The following NLE1 variants were observed in gnomAD, a reference collection of about 807,000 sequenced individuals.
The protein encoded by NLE1 is notchless homolog 1.
A neutral mutation model predicts 62.8 loss-of-function variants in NLE1; 37 were observed. That is an observed-to-expected ratio of 0.59 (90% confidence interval 0.45 to 0.78). The LOEUF (loss-of-function observed/expected upper bound fraction) is 0.78. Among genes scored for constraint, NLE1 ranks in the 30% least tolerant of loss-of-function variants. The pLI, the probability that NLE1 is intolerant of heterozygous loss-of-function variation, is 0.00. For synonymous variants in NLE1, 243 were observed against 253.0 expected (o/e 0.96, Z 0.37); for missense variants, 555 against 637.9 (o/e 0.87, Z 1.40).
chr17:35,141,957 G>A (rs1387995163), intron 2 of NLE1, 22 bp downstream of exon 2: 9 of 1,551,790 alleles, frequency 5.8e-6, no homozygotes, highest in African/African-American at 1.4e-5. Context: ...GAGATGCGAG[G>A]CCGCCCTGGC....
Position 35,129,986 on chromosome 17 carries a change from G to A in NLE1, c.*2451C>T. ...GAAGTCAAGGGCATTGAAAGAAATAGGGAAGACAAGAGGCTAAAGGGGGAC... is the reference window on the plus strand; with the variant it reads ...GAAGTCAAGGGCATTGAAAGAAATAAGGAAGACAAGAGGCTAAAGGGGGAC... On this transcript the variant is annotated 3_prime_UTR_variant, in exon 13 of 13. Coordinates refer to ENST00000442241, the MANE Select transcript of NLE1 (RefSeq NM_018096.5). 7.3e-7 allele frequency: 1 copy of A among 1,376,828 alleles called. No homozygotes were observed. The highest frequency in any genetic ancestry group is 1.7e-5 in the South Asian group (1 of 59,412). The allele number at this position is 1,376,828 out of a possible 1,614,324, so 85.3% of individuals were successfully genotyped here. A position where few individuals can be genotyped will look rare whatever the true frequency, so the allele number is the denominator to read the frequency against.
At position 35,135,498 on chromosome 17, in the gene NLE1, AAGG is replaced by A. The variant is rs748444481; in HGVS notation, c.1012-50_1012-48del. 2.7e-5 allele frequency: 43 copies of A among 1,582,358 alleles called. No individual in the cohort carries two copies. The East Asian group carries it at 5.6e-4, about 21-fold the overall frequency. On this transcript the variant is annotated intron_variant, in intron 9 of 12. Coordinates refer to ENST00000442241, the MANE Select transcript of NLE1 (RefSeq NM_018096.5). ...CTGTGTTGGGTGTGGTCTCAGAAAG[AAGG>A]AGGAGGGCCCGACTTTGGCAGCAAG... is the stretch of plus-strand genomic sequence containing the variant.
At chr17:35,136,953 G>C in intron 7 of NLE1, 48 bp downstream of exon 7, 1 of 1,512,366 alleles carries the variant, frequency 6.6e-7, no homozygotes, top group South Asian at 1.2e-5. Context: ...CCAGCATCTT[G>C]TGACTTGCGA....
Position 35,130,349 on chromosome 17 carries a change from G to A in NLE1, c.*2088C>T, listed in dbSNP as rs202047426. On this transcript the variant is annotated 3_prime_UTR_variant, in exon 13 of 13. Coordinates refer to ENST00000442241, the MANE Select transcript of NLE1 (RefSeq NM_018096.5). ...TACCCCATCCAGATCACCGTGCGGC[G>A]CAAGGAACCCCGGCAAAAGATCGTG... 32 of 1,614,108 alleles carry A rather than the reference G, an allele frequency of 2.0e-5. No individual in the cohort carries two copies. Among genetic ancestry groups the A allele is most frequent in the South Asian group, 1.3e-4 (12 of 91,078 alleles).
intron 4 of NLE1, 126 bp from the exon 5 acceptor site, chr17:35,138,016 C>A: frequency 1.5e-6 from 1 of 670,776 alleles, no homozygotes; most frequent in Non-Finnish European, 2.5e-6. Context: ...ACAAAAGGAG[C>A]GATGAGGCTT....
At chr17:35,140,165 T>C (rs1333717491) in intron 2 of NLE1, 99 bp from the exon 3 acceptor site, 17 of 1,394,756 alleles carry the variant, frequency 1.2e-5, no homozygotes, top group Non-Finnish European at 1.4e-5. Flanking sequence ...GTGAAGCTTC[T>C]TCTTTTCAGC....
At chr17:35,138,264 G>C (rs892872398) in intron 4 of NLE1, among the ~76,000 whole-genome samples, 2 of 152,184 alleles carry the variant, frequency 1.3e-5, no homozygotes, top group Non-Finnish European at 1.5e-5. Flanking sequence ...ACACACACAA[G>C]GTCACTTAAC....
rs2091865839 is a variant in NLE1 at position 35,129,844 on chromosome 17, TG to T, written c.*2592del. 1.1e-5 allele frequency: 16 copies of T among 1,428,000 alleles called. No homozygotes were observed. The highest frequency in any genetic ancestry group is 1.5e-5 in the Non-Finnish European group (16 of 1,095,810). The allele number at this position is 1,428,000 out of a possible 1,614,324, so 88.5% of individuals were successfully genotyped here. A position where few individuals can be genotyped will look rare whatever the true frequency, so the allele number is the denominator to read the frequency against. ...GGGAGGTTTAAGGATTAAGCCACTC[TG>T]GGGCCCACTAGGAATGCAAACGAAT... On this transcript the variant is annotated 3_prime_UTR_variant, in exon 13 of 13. Coordinates refer to ENST00000442241, the MANE Select transcript of NLE1 (RefSeq NM_018096.5).
Position 35,139,968 on chromosome 17 carries a change from G to T in NLE1, c.261C>A (p.Val87=). The T allele has an allele frequency of 6.2e-7, 1 of 1,614,174 alleles. No homozygotes were observed. Among genetic ancestry groups the T allele is most frequent in the Non-Finnish European group, 8.5e-7 (1 of 1,180,040 alleles). Residue 87 remains valine, a synonymous_variant, in exon 3 of 13, where the codon GTC becomes GTA. Transcript: ENST00000442241. The stretch of plus-strand genomic sequence containing the variant: ...CCTGTGGCTGGTAGATGATGTCTAG[G>T]ACCTTCTCTGTCTCCACTGCCTGGG... The part of the protein sequence containing the change: ...LESQAVETEK[V]LDIIYQPQAI...
Position 35,137,902 on chromosome 17 carries a change from G to A in NLE1, c.461-12C>T, listed in dbSNP as rs774159958. 6 of 1,606,168 alleles carry A rather than the reference G, an allele frequency of 3.7e-6. No homozygotes were observed. The Admixed American group carries it at 5.0e-5, about 13-fold the overall frequency. ...CCAGTGTCTGTGTCCTAAGAAAGCA[G>A]AGGAGGGAGAAATAAGGGACTACAT... On this transcript the variant is annotated splice_polypyrimidine_tract_variant and intron_variant, in intron 4 of 12. Coordinates refer to ENST00000442241, the MANE Select transcript of NLE1 (RefSeq NM_018096.5).
Position 35,130,652 on chromosome 17 carries a change from C to A in NLE1, c.*1785G>T, listed in dbSNP as rs1033000448. ...CAGGCCATGCCAGGCTCAGCCACTG[C>A]CCACAGCTGCTAGACTCCCTCCTCC... is the stretch of plus-strand genomic sequence containing the variant. On this transcript the variant is annotated 3_prime_UTR_variant, in exon 13 of 13. Coordinates refer to ENST00000442241, the MANE Select transcript of NLE1 (RefSeq NM_018096.5). The A allele has an allele frequency of 1.3e-5, 7 of 552,404 alleles. No individual in the cohort carries two copies. The highest frequency in any genetic ancestry group is 1.1e-4 in the African/African-American group (6 of 52,976). The allele number at this position is 552,404 out of a possible 1,614,324, so 34.2% of individuals were successfully genotyped here.
chr17:35,142,217 C>T (rs748444874), intron 1 of NLE1, 41 bp downstream of exon 1: 1 of 1,566,262 alleles, frequency 6.4e-7, no homozygotes, highest in East Asian at 2.4e-5. Flanking sequence ...GGCCCTAGCG[C>T]CCCGCGGCGA....
chr17:35,133,708 G>T (rs1258030781), intron 10 of NLE1, among the ~76,000 whole-genome samples: 3 of 151,664 alleles, frequency 2.0e-5, no homozygotes, highest in Non-Finnish European at 2.9e-5. Context: ...TTCTCCAAAT[G>T]AGTAGCTTCT....
rs901275300 is a variant in NLE1 at position 35,142,249 on chromosome 17, C to G, written c.18+9G>C. On this transcript the variant is annotated intron_variant, in intron 1 of 12. Coordinates refer to ENST00000442241, the MANE Select transcript of NLE1 (RefSeq NM_018096.5). ...GCGACGCCCCCCGCCCCCATCCACG[C>G]ACACCCACCGGCACTGCTGCCGCCA... The G allele has an allele frequency of 6.5e-7, 1 of 1,549,840 alleles. No individual in the cohort carries two copies.
At chr17:35,132,568 C>G in intron 12 of NLE1, 119 bp from the exon 13 acceptor site, 1 of 896,252 alleles carries the variant, frequency 1.1e-6, no homozygotes. Flanking sequence ...CACCAAGAGC[C>G]AGGTGACCGT....
Position 35,139,788 on chromosome 17 carries a change from C to T in NLE1, c.380+61G>A. Reference sequence around the variant, plus strand: ...CAATTATAACTCTGGGAGACCCTCCCCAAACCAGGCAAAGACTGCACCCCC... The same window carrying T: ...CAATTATAACTCTGGGAGACCCTCCTCAAACCAGGCAAAGACTGCACCCCC... On this transcript the variant is annotated intron_variant, in intron 3 of 12. Transcript: ENST00000442241. 6 of 1,582,380 alleles carry T rather than the reference C, an allele frequency of 3.8e-6. No individual in the cohort carries two copies. The Admixed American group carries it at 6.7e-5, about 18-fold the overall frequency.
Position 35,137,046 on chromosome 17 carries a change from G to T in NLE1, c.783C>A (p.Tyr261Ter). ...CLRWGGDGLL[Y>*]SASQDRTIKV... The stretch of plus-strand genomic sequence containing the variant: ...TGATGGTGCGGTCCTGGGAGGCAGA[G>T]TAGAGAAGCCCGTCCCCTCCCCACC... Residue 261 changes from tyrosine (Y) to a stop codon, truncating the protein, a stop_gained, in exon 7 of 13, where the codon TAC (tyrosine) becomes TAA (stop). Transcript: ENST00000442241. LOFTEE classifies it high-confidence loss of function. 1 of 1,613,918 alleles carries T rather than the reference G, an allele frequency of 6.2e-7. No individual in the cohort carries two copies. Among genetic ancestry groups the T allele is most frequent in the South Asian group, 1.1e-5 (1 of 91,056 alleles).
At chr17:35,132,577 G>A (rs905594116) in intron 12 of NLE1, 128 bp from the exon 13 acceptor site, 39 of 807,426 alleles carry the variant, frequency 4.8e-5, no homozygotes, top group African/African-American at 2.9e-4. Flanking sequence ...CCAGGTGACC[G>A]TCCCTGCTCT....
intron 4 of NLE1, among the ~76,000 whole-genome samples, chr17:35,138,623 TAGTAGAG>T (rs2091924237): frequency 1.3e-5 from 2 of 152,162 alleles, no homozygotes; most frequent in Non-Finnish European, 2.9e-5. Context: ...TTTGTAGTTT[TAGTAGAG>T]ATGGGGTTTC....
Sources: gnomAD v4.1 joint callset for allele counts (sites outside exome capture counted in the v4.1 genomes callset) on GRCh38, gnomAD v4.1.1 for gene constraint, MANE v1.5 for transcripts, NCBI Gene and HGNC (gene_info 2026-07-23, HGNC 2026-07-21) for gene names.